The following KIF13A variants were observed in gnomAD, a reference collection of about 807,000 sequenced individuals.
KIF13A encodes kinesin family member 13A.
KIF13A carries 79 observed loss-of-function variants against 212.2 expected under a neutral mutation model. The ratio of observed to expected loss-of-function variants is 0.37; its 90% confidence interval spans 0.31 to 0.45. The LOEUF (loss-of-function observed/expected upper bound fraction) is 0.45. Among genes scored for constraint, KIF13A ranks in the 20% least tolerant of loss-of-function variants. The pLI is 1.00. For missense variants in KIF13A, 1,901 were observed against 2,209.0 expected, an observed-to-expected ratio of 0.86 and a Z score of 2.79; for synonymous variants, 789 against 808.6, an observed-to-expected ratio of 0.98 and a Z score of 0.41.
At chr6:17,781,025 TCCTCA>T (rs1760520850) in intron 30 of KIF13A, 119 bp from the exon 31 acceptor site, 2 of 1,359,196 alleles carry the variant, frequency 1.5e-6, no homozygotes, top group Non-Finnish European at 2.0e-6. Flanking sequence ...TAGATTTCTT[TCCTCA>T]CCTTTTTTAA....
At chr6:17,876,631 T>C (rs1581608184) in intron 3 of KIF13A, among the ~76,000 whole-genome samples, 2 of 99,946 alleles carry the variant, frequency 2.0e-5, no homozygotes, top group African/African-American at 6.5e-5. Context: ...CAGCATTCAT[T>C]CATTCATTCA....
chr6:17,977,701 TTTAA>T (rs1780702381), intron 2 of KIF13A, among the ~76,000 whole-genome samples: 1 of 152,238 alleles, frequency 6.6e-6, no homozygotes, highest in Non-Finnish European at 1.5e-5. Context: ...TTTATTTGTT[TTTAA>T]TTTTTTTAAA....
chr6:17,972,703 T>C (rs547272115), intron 2 of KIF13A, among the ~76,000 whole-genome samples: 52 of 152,294 alleles, frequency 3.4e-4, no homozygotes, highest in African/African-American at 1.2e-3. Context: ...GAAATATTTA[T>C]GGTCATTTGT....
chr6:17,793,223 G>C (rs1447348223), intron 25 of KIF13A, among the ~76,000 whole-genome samples: 2 of 152,082 alleles, frequency 1.3e-5, no homozygotes, highest in African/African-American at 4.8e-5. Flanking sequence ...TGAGATGACA[G>C]TCATGCACCA....
intron 2 of KIF13A, among the ~76,000 whole-genome samples, chr6:17,965,538 A>G (rs931768305): frequency 6.6e-6 from 1 of 152,236 alleles, no homozygotes; most frequent in Non-Finnish European, 1.5e-5. Flanking sequence ...TACTGAGTCA[A>G]AAGTTCCATT....
chr6:17,845,332 A>G (rs1766915639), intron 9 of KIF13A, among the ~76,000 whole-genome samples: 1 of 152,214 alleles, frequency 6.6e-6, no homozygotes, highest in Non-Finnish European at 1.5e-5. Context: ...AAGTCACATG[A>G]AATACTAGAA....
chr6:17,967,315 G>A lies in KIF13A; in HGVS notation c.146+19739C>T, dbSNP rs1176277297. 6.6e-6 allele frequency among the ~76,000 whole-genome samples: 1 copy of A among 152,222 alleles called. No homozygotes were observed. The highest frequency in any genetic ancestry group is 2.1e-4 in the South Asian group (1 of 4,832). Reference sequence around the variant, plus strand: ...TCAGTGGTATAAACTACCAAGCACAGAAAAAGGAAAATGCATCACAATGTT... The same window carrying A: ...TCAGTGGTATAAACTACCAAGCACAAAAAAAGGAAAATGCATCACAATGTT... On this transcript the variant is annotated intron_variant, in intron 2 of 38. Transcript: ENST00000259711. This position sits in a 1 kb window ranked among gnomAD's most constrained non-coding sequence, Gnocchi z 4.1.
chr6:17,927,814 G>T (rs777833509), intron 2 of KIF13A, among the ~76,000 whole-genome samples: 12 of 152,290 alleles, frequency 7.9e-5, no homozygotes, highest in Non-Finnish European at 1.5e-4. Flanking sequence ...GCTGGTCCAG[G>T]CAAGAAGACT....
At position 17,855,028 on chromosome 6, in the gene KIF13A, CAT is replaced by C. The variant is rs1175215837; in HGVS notation, c.494+407_494+408del. On this transcript the variant is annotated intron_variant, in intron 6 of 38. Coordinates refer to ENST00000259711, the MANE Select transcript of KIF13A (RefSeq NM_022113.6). This position sits in a 1 kb window ranked among gnomAD's most constrained non-coding sequence, Gnocchi z 4.1. ...AAGTGGATGCTTAAAACGTTCCCCACATGATTCCAATGCACAGCCAGGGAAGG... is the reference window on the plus strand; with the variant it reads ...AAGTGGATGCTTAAAACGTTCCCCACGATTCCAATGCACAGCCAGGGAAGG... Among the ~76,000 whole-genome samples, 4 of 152,190 alleles carry C rather than the reference CAT, an allele frequency of 2.6e-5. No homozygotes were observed. Among genetic ancestry groups the C allele is most frequent in the African/African-American group, 7.2e-5 (3 of 41,448 alleles).
chr6:17,980,730 GACAAGAATTCATTGA>G (rs1414983525), intron 2 of KIF13A, among the ~76,000 whole-genome samples: 1 of 152,196 alleles, frequency 6.6e-6, no homozygotes, highest in Non-Finnish European at 1.5e-5. Flanking sequence ...AGTTTTGTAT[GACAAGAATTCATTGA>G]ACAATTCATA....
chr6:17,763,565 A>C (rs1758695731), downstream of KIF13A: 2 of 152,932 alleles, frequency 1.3e-5, no homozygotes, highest in Non-Finnish European at 2.9e-5. Flanking sequence ...TGCTGCTGGA[A>C]TTTGCCTATA....
intron 18 of KIF13A, among the ~76,000 whole-genome samples, chr6:17,805,892 T>C (rs1762899330): frequency 1.3e-5 from 2 of 151,608 alleles, no homozygotes; most frequent in Admixed American, 6.6e-5. Flanking sequence ...ATCATTTTTC[T>C]TGTATTGTTA....
Position 17,926,125 on chromosome 6 carries a change from C to A in KIF13A, c.147-27945G>T, listed in dbSNP as rs980953689. On this transcript the variant is annotated intron_variant, in intron 2 of 38. Coordinates refer to ENST00000259711, the MANE Select transcript of KIF13A (RefSeq NM_022113.6). The surrounding 1 kb of genome is among the most constrained non-coding windows in gnomAD (Gnocchi z 4.3). ...AGTAGTCATCATGTCCACGGTCCTA[C>A]TAATTCTGAAAAGAAATGCATTGCT... 1.3e-5 allele frequency among the ~76,000 whole-genome samples: 2 copies of A among 152,168 alleles called. No individual in the cohort carries two copies. The highest frequency in any genetic ancestry group is 4.1e-4 in the South Asian group (2 of 4,830).
downstream of KIF13A, chr6:17,760,132 G>A (rs1013551964): frequency 6.6e-5 from 10 of 152,212 alleles, no homozygotes; most frequent in African/African-American, 2.4e-4. Context: ...GTAGCCAAGG[G>A]AATTATGGCA....
In KIF13A at chr6:17,849,312, T is replaced by C; in HGVS notation, c.830+65A>G. The C allele has an allele frequency of 8.7e-7, 1 of 1,155,564 alleles. No individual in the cohort carries two copies. Among genetic ancestry groups the C allele is most frequent in the Non-Finnish European group, 1.3e-6 (1 of 787,338 alleles). 71.6% of individuals were successfully genotyped at this position (1,155,564 alleles called of 1,614,324 possible). ...CCTGTACATCAGAACCATCTGACCC[T>C]CATAATGCAACAAATCCCCTCCAGA... On this transcript the variant is annotated intron_variant, in intron 9 of 38. Coordinates refer to ENST00000259711, the MANE Select transcript of KIF13A (RefSeq NM_022113.6). The surrounding 1 kb of genome is among the most constrained non-coding windows in gnomAD (Gnocchi z 5.7).
chr6:17,898,110 A>C lies in KIF13A; in HGVS notation c.159+58T>G. 4 of 1,546,162 alleles carry C rather than the reference A, an allele frequency of 2.6e-6. No homozygotes were observed. Among genetic ancestry groups the C allele is most frequent in the Non-Finnish European group, 3.6e-6 (4 of 1,121,850 alleles). On this transcript the variant is annotated intron_variant, in intron 3 of 38. Coordinates refer to ENST00000259711, the MANE Select transcript of KIF13A (RefSeq NM_022113.6). This position sits in a 1 kb window ranked among gnomAD's most constrained non-coding sequence, Gnocchi z 5.2. ...TGTTCTACATGGGTTACAGTGATAA[A>C]TCCTGGATTTTTGCACACTAAGCCA...
chr6:17,784,387 C>G (rs1054808473), intron 28 of KIF13A, among the ~76,000 whole-genome samples: 1 of 152,076 alleles, frequency 6.6e-6, no homozygotes, highest in Admixed American at 6.5e-5. Context: ...CACTGGTACT[C>G]CAGCCTGGGA....
In KIF13A at chr6:17,799,284, C is replaced by A; in HGVS notation, c.2772G>T (p.Val924=). The A allele has an allele frequency of 6.2e-7, 1 of 1,602,388 alleles. No homozygotes were observed. Reference sequence around the variant, plus strand: ...TTTGTACCTTACAGTGGGAGAAGGTCACTGTGTACTGGGCATCCTTGGACT... The same window carrying A: ...TTTGTACCTTACAGTGGGAGAAGGTAACTGTGTACTGGGCATCCTTGGACT... ...SPQSKDAQYT[V]TFSHCKDYVV... The change falls in exon 22 of 39, where the codon GTG becomes GTT. Residue 924 remains valine (V), a synonymous_variant. Transcript: ENST00000259711. This position sits in a 1 kb window ranked among gnomAD's most constrained non-coding sequence, Gnocchi z 4.4.
intron 32 of KIF13A, among the ~76,000 whole-genome samples, 181 bp downstream of exon 32, chr6:17,779,411 T>C (rs2876465): frequency 0.22 from 32,570 of 150,786 alleles, 3,688 homozygotes; most frequent in South Asian, 0.35. Flanking sequence ...TAGCTGGGAT[T>C]ACAGGCATGC....
Sources: allele counts gnomAD v4.1 joint callset (sites outside exome capture counted in the v4.1 genomes callset), GRCh38; gene constraint gnomAD v4.1.1; non-coding constraint Gnocchi (gnomAD v3.1); transcripts MANE v1.5; gene names NCBI Gene and HGNC (gene_info 2026-07-23, HGNC 2026-07-21).